Variants in CLPB observed in about 807,000 individuals in gnomAD.
CLPB encodes the protein ClpB family mitochondrial disaggregase, also known as mitochondrial disaggregase.
In CLPB, 40 loss-of-function variants were observed where a neutral mutation model predicts 78.4. That is an observed-to-expected ratio of 0.51 (90% CI 0.40 to 0.66). CLPB has a LOEUF of 0.66. Among genes scored for constraint, CLPB ranks in the 30% least tolerant of loss-of-function variants. The probability of loss-of-function intolerance (pLI) is 0.00; values close to 1 mark genes in which losing one functional copy is unlikely to be tolerated. For missense variants in CLPB, 780 were observed against 886.9 expected (o/e 0.88, Z 1.53); for synonymous variants, 333 against 348.0 (o/e 0.96, Z 0.48).
chr11:72,296,120 G>A (rs1392724278), intron 11 of CLPB, among the ~76,000 whole-genome samples: 1 of 152,180 alleles, frequency 6.6e-6, no homozygotes, highest in Non-Finnish European at 1.5e-5. Context: ...TGATAATAAA[G>A]GGAAGCCCAG....
intron 2 of CLPB, among the ~76,000 whole-genome samples, chr11:72,423,511 G>A (rs1055246601): frequency 6.6e-6 from 1 of 152,182 alleles, no homozygotes; most frequent in African/African-American, 2.4e-5. Context: ...CTCTGCTGCT[G>A]TCATCTTAGT....
At chr11:72,373,639 A>T (rs1951085439) in intron 4 of CLPB, among the ~76,000 whole-genome samples, 1 of 152,046 alleles carries the variant, frequency 6.6e-6, no homozygotes, top group Non-Finnish European at 1.5e-5. Flanking sequence ...GCCCAACTCA[A>T]ATCCCACTTC....
At chr11:72,326,231 T>C (rs1950131782) in intron 6 of CLPB, among the ~76,000 whole-genome samples, 1 of 152,146 alleles carries the variant, frequency 6.6e-6, no homozygotes, top group South Asian at 2.1e-4. Context: ...TATGTCTTGG[T>C]AGGAGGGCTA....
At chr11:72,392,067 C>A (rs554710989) in intron 3 of CLPB, among the ~76,000 whole-genome samples, 1 of 152,004 alleles carries the variant, frequency 6.6e-6, no homozygotes, top group East Asian at 1.9e-4. Context: ...TTGTGTTGGG[C>A]CAGGCGCGTG....
chr11:72,305,261 C>T (rs977839910), intron 9 of CLPB, among the ~76,000 whole-genome samples: 14 of 152,166 alleles, frequency 9.2e-5, no homozygotes, highest in Admixed American at 3.9e-4. Flanking sequence ...TTAGATAAGC[C>T]TAAGAATGCT....
Position 72,301,798 on chromosome 11 carries a change from C to A in CLPB, c.1329+5G>T. The A allele has an allele frequency of 1.2e-6, 2 of 1,613,526 alleles. No homozygotes were observed. The highest frequency in any genetic ancestry group is 4.5e-5 in the East Asian group (2 of 44,886). ...CCCGCTCCATCCTGGCCCAAGGTGACTCACCTCATCAAACAGCTGCAGCAT... is the reference window on the plus strand; with the variant it reads ...CCCGCTCCATCCTGGCCCAAGGTGAATCACCTCATCAAACAGCTGCAGCAT... On this transcript the variant is annotated splice_donor_5th_base_variant and intron_variant, in intron 11 of 15. Transcript: ENST00000538039.
intron 15 of CLPB, 42 bp from the exon 16 acceptor site, chr11:72,293,657 C>A (rs761004799): frequency 1.3e-6 from 2 of 1,581,594 alleles, no homozygotes; most frequent in South Asian, 2.3e-5. Flanking sequence ...TCGGCCTGGA[C>A]CCAGCTTGGA....
In CLPB at chr11:72,286,476, ATC is replaced by A. The variant is rs1283290874; in HGVS notation, c.*6889_*6890del. 1 of 150,880 alleles carries A rather than the reference ATC, an allele frequency of 6.6e-6. No homozygotes were observed. Among genetic ancestry groups the A allele is most frequent in the Non-Finnish European group, 1.5e-5 (1 of 67,694 alleles). The allele number at this position is 150,880 out of a possible 1,614,324, so 9.3% of individuals were successfully genotyped here. On this transcript the variant is annotated 3_prime_UTR_variant, in exon 16 of 16. Transcript: ENST00000538039. ...TCCCTCAGATTTCCCAAATGTTAAC[ATC>A]TTTTTTTTGTTTGTTTTTGAGACAG...
intron 2 of CLPB, among the ~76,000 whole-genome samples, chr11:72,426,730 C>A (rs1415295188): frequency 6.6e-6 from 1 of 152,206 alleles, no homozygotes; most frequent in Non-Finnish European, 1.5e-5. Flanking sequence ...GGGTAAAAGA[C>A]GGTAGAGAAC....
intron 2 of CLPB, among the ~76,000 whole-genome samples, chr11:72,416,970 G>A (rs1856045389): frequency 6.6e-6 from 1 of 152,126 alleles, no homozygotes; most frequent in Non-Finnish European, 1.5e-5. Context: ...CGTTGCTTTT[G>A]GGAATGTAAA....
intron 2 of CLPB, among the ~76,000 whole-genome samples, chr11:72,404,796 G>C (rs1027974137): frequency 5.9e-5 from 9 of 152,144 alleles, no homozygotes; most frequent in Admixed American, 3.3e-4. Flanking sequence ...AACATGTGAG[G>C]GAAGAGTATT....
chr11:72,399,710 C>A (rs1217400834), intron 3 of CLPB, among the ~76,000 whole-genome samples: 1 of 152,164 alleles, frequency 6.6e-6, no homozygotes, highest in Non-Finnish European at 1.5e-5. Flanking sequence ...CTGCCTACAT[C>A]CTAAAGGAGG....
At chr11:72,302,597 G>T (rs931892763) in intron 9 of CLPB, 35 of 471,064 alleles carry the variant, frequency 7.4e-5, no homozygotes, top group Non-Finnish European at 1.3e-4. Context: ...TCTGACTTGG[G>T]GTGTCTTCTT....
In CLPB at chr11:72,292,986, C is replaced by T. The variant is rs1189140053; in HGVS notation, c.*381G>A. 1 of 193,898 alleles carries T rather than the reference C, an allele frequency of 5.2e-6. No homozygotes were observed. The highest frequency in any genetic ancestry group is 5.3e-5 in the Admixed American group (1 of 18,940). The allele number at this position is 193,898 out of a possible 1,614,324, so 12.0% of individuals were successfully genotyped here. A position where few individuals can be genotyped will look rare whatever the true frequency, so the allele number is the denominator to read the frequency against. ...GTTCAGTCTGGTCCCTGTCTTCTTC[C>T]AGCCAGCTGTGTTCTTAGCTGCCAT... On this transcript the variant is annotated 3_prime_UTR_variant, in exon 16 of 16. Coordinates refer to ENST00000538039, the MANE Select transcript of CLPB (RefSeq NM_001258392.3).
intron 11 of CLPB, among the ~76,000 whole-genome samples, chr11:72,295,997 G>A (rs190462623): frequency 2.8e-4 from 42 of 152,340 alleles, no homozygotes; most frequent in African/African-American, 9.6e-4. Context: ...GGCCCGCTGT[G>A]GGCCAGGATC....
Position 72,317,127 on chromosome 11 carries a change from C to A in CLPB, c.967G>T (p.Ala323Ser), listed in dbSNP as rs759050719. Residue 323 changes from alanine (A) to serine (S), a missense_variant, in exon 7 of 16, where the codon GCC (alanine) becomes TCC (serine). Ala to Ser is a moderately conservative substitution (Grantham distance 99, BLOSUM62 1). Around this residue, in one of 3 missense-constraint regions of CLPB, gnomAD observed 91 missense variants for 168.2 expected, o/e 0.54. Transcript: ENST00000538039. ...TCACCAGCACCCACTGTGGCGATGGCGCTCTCCTGGCCAATGATGTGCTCC... is the reference window on the plus strand; with the variant it reads ...TCACCAGCACCCACTGTGGCGATGGAGCTCTCCTGGCCAATGATGTGCTCC... ...LKEHIIGQES[A>S]IATVGAAIRR... The A allele has an allele frequency of 6.2e-7, 1 of 1,611,100 alleles. No homozygotes were observed. The highest frequency in any genetic ancestry group is 1.1e-5 in the South Asian group (1 of 90,702).
At chr11:72,396,087 G>A (rs2135060989) in intron 3 of CLPB, among the ~76,000 whole-genome samples, 1 of 152,308 alleles carries the variant, frequency 6.6e-6, no homozygotes, top group South Asian at 2.1e-4. Context: ...ACTGCTGTGA[G>A]AGGGAATTGA....
At chr11:72,320,146 C>A (rs893745961) in intron 6 of CLPB, among the ~76,000 whole-genome samples, 1 of 152,222 alleles carries the variant, frequency 6.6e-6, no homozygotes, top group African/African-American at 2.4e-5. Context: ...TAGAGAATTC[C>A]ACCTCTGGGT....
chr11:72,299,913 A>G (rs1478924820), intron 11 of CLPB, among the ~76,000 whole-genome samples: 1 of 152,198 alleles, frequency 6.6e-6, no homozygotes, highest in Non-Finnish European at 1.5e-5. Flanking sequence ...GCTTCCATGT[A>G]TGGCTGATTG....
Sources: gnomAD v4.1 joint callset for allele counts (sites outside exome capture counted in the v4.1 genomes callset) on GRCh38, gnomAD v4.1.1 for gene constraint, gnomAD v4.1.1 regional missense constraint, MANE v1.5 for transcripts, NCBI Gene and HGNC (gene_info 2026-07-23, HGNC 2026-07-21) for gene names.